Variants in ZNF626 observed in about 807,000 individuals in gnomAD.
The protein encoded by ZNF626 is CTC-513N18.7.
A neutral mutation model predicts 11.7 loss-of-function variants in ZNF626; 4 were observed. The observed-to-expected ratio is 0.34, with a 90% CI of 0.17 to 0.78. The LOEUF (loss-of-function observed/expected upper bound fraction) is 0.78. ZNF626 is among the 30% of genes least tolerant of loss of function. The pLI, the probability that ZNF626 is intolerant of heterozygous loss-of-function variation, is 0.57. For missense variants in ZNF626, 588 were observed against 587.1 expected (o/e 1.00, Z -0.01); for synonymous variants, 179 against 198.6 (o/e 0.90, Z 0.83).
At chr19:20,630,541 T>C (rs1296098480) in intron 3 of ZNF626, among the ~76,000 whole-genome samples, 1 of 152,226 alleles carries the variant, frequency 6.6e-6, no homozygotes, top group Non-Finnish European at 1.5e-5. Flanking sequence ...TATCCATTTC[T>C]TCTAGATTTT....
intron 1 of ZNF626, among the ~76,000 whole-genome samples, chr19:20,650,594 T>G (rs1970135672): frequency 1.3e-5 from 2 of 152,112 alleles, no homozygotes; most frequent in Admixed American, 6.5e-5. Context: ...GAGACAAGAC[T>G]CCAGGGTAGG....
At chr19:20,638,829 C>A (rs1447629200) in intron 3 of ZNF626, among the ~76,000 whole-genome samples, 4 of 151,930 alleles carry the variant, frequency 2.6e-5, no homozygotes, top group African/African-American at 9.7e-5. Flanking sequence ...GCAACATAAT[C>A]ATTGTAGACA....
rs182443190 is a variant in ZNF626, at chr19:20,622,053, G to A, written c.*2237C>T. On this transcript the variant is annotated 3_prime_UTR_variant, in exon 4 of 4. Coordinates refer to ENST00000601440, the MANE Select transcript of ZNF626 (RefSeq NM_001076675.3). Reference sequence around the variant, plus strand: ...AATATAAAAATTAGCCAGGCGTGGTGTCACGCACCTGTAGTCCCCACTACT... The same window carrying A: ...AATATAAAAATTAGCCAGGCGTGGTATCACGCACCTGTAGTCCCCACTACT... The A allele has an allele frequency of 6.6e-6, 1 of 152,174 alleles. No individual in the cohort carries two copies. The highest frequency in any genetic ancestry group is 2.4e-5 in the African/African-American group (1 of 41,444). 9.4% of individuals were successfully genotyped at this position (152,174 alleles called of 1,614,324 possible). A position where few individuals can be genotyped will look rare whatever the true frequency, so the allele number is the denominator to read the frequency against.
In ZNF626 at chr19:20,648,437, C is replaced by T. The variant is rs527987496; in HGVS notation, c.4-2032G>A. Among the ~76,000 whole-genome samples the T allele has an allele frequency of 3.1e-3, 466 of 149,746 alleles. 2 individuals carry two copies. The highest frequency in any genetic ancestry group is 5.1e-3 in the Non-Finnish European group (345 of 67,760). On this transcript the variant is annotated intron_variant, in intron 1 of 3. Coordinates refer to ENST00000601440, the MANE Select transcript of ZNF626 (RefSeq NM_001076675.3). Reference sequence around the variant, plus strand: ...TGTTGCCCAGGCTGGAGTGCAGTGGCGCAATCTCGGCTCACTGCAAGCTCT... The same window carrying T: ...TGTTGCCCAGGCTGGAGTGCAGTGGTGCAATCTCGGCTCACTGCAAGCTCT...
At chr19:20,625,925 C>A (rs1599471198) in intron 3 of ZNF626, among the ~76,000 whole-genome samples, 1 of 152,252 alleles carries the variant, frequency 6.6e-6, no homozygotes, top group East Asian at 1.9e-4. Context: ...TACTTATACA[C>A]AACACAGCTG....
intron 1 of ZNF626, among the ~76,000 whole-genome samples, chr19:20,661,060 G>C (rs8103199): frequency 0.037 from 5,580 of 152,290 alleles, 331 homozygotes; most frequent in African/African-American, 0.13. Context: ...TTTTTAATAG[G>C]AGAAAAGAGA....
At chr19:20,645,297 A>G in intron 3 of ZNF626, 1 of 1,503,588 alleles carries the variant, frequency 6.7e-7, no homozygotes, top group Admixed American at 2.5e-5. Context: ...TTCAGATCTG[A>G]TGCAAAGAGA....
At chr19:20,625,749 C>A in intron 3 of ZNF626, 99 bp from the exon 4 acceptor site, 1 of 1,214,128 alleles carries the variant, frequency 8.2e-7, no homozygotes, top group African/African-American at 1.6e-5. Flanking sequence ...ACTACATAAG[C>A]AAGATGACAC....
Position 20,625,462 on chromosome 19 carries a change from T to G in ZNF626, c.415A>C (p.Thr139Pro). 3 of 1,614,110 alleles carry G rather than the reference T, an allele frequency of 1.9e-6. No individual in the cohort carries two copies. The highest frequency in any genetic ancestry group is 2.5e-6 in the Non-Finnish European group (3 of 1,179,994). Residue 139 changes from threonine to proline, a missense_variant, in exon 4 of 4, where the codon ACT (threonine) becomes CCT (proline). Thr to Pro is a conservative substitution (Grantham distance 38). Around this residue, in one of 4 missense-constraint regions of ZNF626, gnomAD observed 524 missense variants for 470.1 expected, o/e 1.11. Transcript: ENST00000601440. Reference sequence around the variant, plus strand: ...CATTGACATATTTTTCTTGGGGTAGTTGTCAAACATTGGTTAAGTTCATTA... The same window carrying G: ...CATTGACATATTTTTCTTGGGGTAGGTGTCAAACATTGGTTAAGTTCATTA... ...GYNELNQCLTTTPRKICQCDK... is the reference protein window; with the variant it reads ...GYNELNQCLTPTPRKICQCDK...
intron 3 of ZNF626, among the ~76,000 whole-genome samples, chr19:20,642,121 A>G (rs1369922014): frequency 6.6e-6 from 1 of 152,218 alleles, no homozygotes; most frequent in Non-Finnish European, 1.5e-5. Flanking sequence ...AAGATAAGCC[A>G]TAACTAAAAC....
At chr19:20,640,267 TTTAA>T (rs1555771304) in intron 3 of ZNF626, among the ~76,000 whole-genome samples, 1 of 148,524 alleles carries the variant, frequency 6.7e-6, no homozygotes, top group African/African-American at 2.4e-5. Context: ...AAATTATTAA[TTTAA>T]TTATTAAAAA....
chr19:20,644,825 T>G (rs1970057822), intron 3 of ZNF626: 1 of 152,086 alleles, frequency 6.6e-6, no homozygotes, highest in Non-Finnish European at 1.5e-5. Context: ...TATGGTTTCA[T>G]ACACTTAAAC....
chr19:20,661,124 G>A (rs1599491164), intron 1 of ZNF626, among the ~76,000 whole-genome samples: 1 of 152,228 alleles, frequency 6.6e-6, no homozygotes, highest in Non-Finnish European at 1.5e-5. Flanking sequence ...CGCACCCCGA[G>A]TCAGGATTCT....
intron 1 of ZNF626, among the ~76,000 whole-genome samples, chr19:20,660,182 C>A (rs1291926471): frequency 6.7e-6 from 1 of 148,756 alleles, no homozygotes; most frequent in Non-Finnish European, 1.5e-5. Flanking sequence ...ATCGCTTGAA[C>A]CCAGTAAGCC....
At chr19:20,640,658 GA>G (rs35302204) in intron 3 of ZNF626, among the ~76,000 whole-genome samples, 36 of 143,554 alleles carry the variant, frequency 2.5e-4, no homozygotes, top group African/African-American at 4.0e-4. Context: ...ATAGAGAAAT[GA>G]AAAAAAAAAA....
In ZNF626 at chr19:20,661,565, G is replaced by A; in HGVS notation, c.-119C>T. On this transcript the variant is annotated 5_prime_UTR_variant, in exon 1 of 4. Transcript: ENST00000601440. ...CCAGACCTGGAGCTCTGACTGCAGCGAGAGACAAAGGCCGCACCAAACCCG... is the reference window on the plus strand; with the variant it reads ...CCAGACCTGGAGCTCTGACTGCAGCAAGAGACAAAGGCCGCACCAAACCCG... 3 of 1,198,154 alleles carry A rather than the reference G, an allele frequency of 2.5e-6. No individual in the cohort carries two copies. The highest frequency in any genetic ancestry group is 1.4e-5 in the South Asian group (1 of 72,164). 74.2% of individuals were successfully genotyped at this position (1,198,154 alleles called of 1,614,324 possible). A position where few individuals can be genotyped will look rare whatever the true frequency, so the allele number is the denominator to read the frequency against.
chr19:20,628,574 GTCT>G (rs782327839), intron 3 of ZNF626, among the ~76,000 whole-genome samples: 19 of 152,128 alleles, frequency 1.2e-4, no homozygotes, highest in Non-Finnish European at 2.2e-4. Context: ...CTGCATAAAT[GTCT>G]TCTTTTGAGA....
At chr19:20,661,338 A>G (rs1168741581) in intron 1 of ZNF626, 106 bp downstream of exon 1, 18 of 1,438,622 alleles carry the variant, frequency 1.3e-5, no homozygotes, top group Non-Finnish European at 1.5e-5. Flanking sequence ...CTGGGGGAGC[A>G]GACTGTGGAG....
At position 20,625,103 on chromosome 19, in the gene ZNF626, C is replaced by A. The variant is rs1181543877; in HGVS notation, c.774G>T (p.Lys258Asn). 6.2e-7 allele frequency: 1 copy of A among 1,603,696 alleles called. No individual in the cohort carries two copies. The highest frequency in any genetic ancestry group is 1.4e-5 in the African/African-American group (1 of 71,712). ...KRNHTGEKPY[K>N]CDKCGKAFMS... ...TAAAGGCTTTGCCACATTTATCACA[C>A]TTGTAGGGTTTCTCTCCAGTATGAT... The change falls in exon 4 of 4, where the codon AAG becomes AAT. Residue 258 changes from lysine (K) to asparagine (N), a missense_variant. Transcript: ENST00000601440.
Sources: allele counts gnomAD v4.1 joint callset (sites outside exome capture counted in the v4.1 genomes callset), GRCh38; gene constraint gnomAD v4.1.1; regional missense constraint gnomAD v4.1.1; transcripts MANE v1.5; gene names NCBI Gene and HGNC (gene_info 2026-07-23, HGNC 2026-07-21).